Variants in NPFF observed in about 807,000 individuals in gnomAD.
NPFF encodes the protein neuropeptide FF-amide peptide precursor.
In NPFF, 14 loss-of-function variants were observed where a neutral mutation model predicts 12.9. The ratio of observed to expected loss-of-function variants is 1.09; its 90% CI spans 0.72 to 1.70. The LOEUF (loss-of-function observed/expected upper bound fraction) is 1.70, where lower values mean the gene tolerates loss of function less well. Among genes scored for constraint, NPFF ranks in the 40% most tolerant of loss-of-function variants. The pLI is 0.00. For missense variants in NPFF, 140 were observed against 135.7 expected, an observed-to-expected ratio of 1.03 and a Z score of -0.16; for synonymous variants, 56 against 57.3, an observed-to-expected ratio of 0.98 and a Z score of 0.10.
intron 2 of NPFF, 55 bp from the exon 3 acceptor site, chr12:53,506,948 C>T (rs1944017962): frequency 6.3e-7 from 1 of 1,585,064 alleles, no homozygotes; most frequent in African/African-American, 1.3e-5. Context: ...AGCCCCCTTC[C>T]TTCTCCTCTT....
rs757726554 is a variant in NPFF at position 53,507,168 on chromosome 12, G to A, written c.103-26C>T. 8.1e-6 allele frequency: 13 copies of A among 1,611,388 alleles called. No individual in the cohort carries two copies. In the Admixed American group the frequency reaches 2.0e-4, roughly 25 times the overall value. ...CTGTGCCAAGGGGGTATCAGGGAAG[G>A]AAGATGGGCAAATACCCTGGACACG... On this transcript the variant is annotated intron_variant, in intron 1 of 2. Transcript: ENST00000267017.
chr12:53,507,274 A>G (rs754062316), intron 1 of NPFF, 99 bp downstream of exon 1: 5 of 1,594,802 alleles, frequency 3.1e-6, no homozygotes, highest in Non-Finnish European at 4.3e-6. Flanking sequence ...GTGAGGACCT[A>G]ATGACAACCT....
chr12:53,506,838 C>T lies in NPFF; in HGVS notation c.280G>A (p.Gly94Arg), dbSNP rs749613052. The T allele has an allele frequency of 1.9e-6, 3 of 1,603,296 alleles. No homozygotes were observed. The East Asian group carries it at 6.7e-5, about 36-fold the overall frequency. ...WRNEWLSPRA[G>R]EGLNSQFWSL... ...CAGAACTGGGAATTCAGCCCCTCTC[C>T]AGCCCGGGGACTCAGCCATTCATTC... Residue 94 changes from glycine (G) to arginine (R), a missense_variant, in exon 3 of 3, where the codon GGA (glycine) becomes AGA (arginine). Gly to Arg is a moderately radical substitution (Grantham distance 125). Transcript: ENST00000267017.
At chr12:53,507,330 G>C in intron 1 of NPFF, 43 bp downstream of exon 1, 1 of 1,612,516 alleles carries the variant, frequency 6.2e-7, no homozygotes, top group Non-Finnish European at 8.5e-7. Context: ...AGTCTCAACC[G>C]AAGTAGAGGC....
chr12:53,506,924 A>C, intron 2 of NPFF, 31 bp from the exon 3 acceptor site: 1 of 1,579,180 alleles, frequency 6.3e-7, no homozygotes, highest in South Asian at 1.2e-5. Flanking sequence ...AGGTCCCCGC[A>C]GTCTCCCTTC....
rs772113370 is a variant in NPFF, at chr12:53,506,768, A to G, written c.*8T>C. ...ACCTTGCATGCAGACATATCAAGGG[A>G]TGACATGTCACTTCTTCCCAAAGCG... On this transcript the variant is annotated 3_prime_UTR_variant, in exon 3 of 3. Transcript: ENST00000267017. The G allele has an allele frequency of 1.3e-6, 2 of 1,521,132 alleles. No homozygotes were observed. The highest frequency in any genetic ancestry group is 1.8e-6 in the Non-Finnish European group (2 of 1,128,916). The allele number at this position is 1,521,132 out of a possible 1,614,324, so 94.2% of individuals were successfully genotyped here. A position where few individuals can be genotyped will look rare whatever the true frequency, so the allele number is the denominator to read the frequency against.
In NPFF at chr12:53,507,109, C is replaced by T. The variant is rs892187981; in HGVS notation, c.136G>A (p.Ala46Thr). The T allele has an allele frequency of 2.5e-6, 4 of 1,613,950 alleles. No individual in the cohort carries two copies. In the African/African-American group the frequency reaches 4.0e-5, roughly 16 times the overall value. ...TGCAACAGTGACCCAGAGGTCTGGG[C>T]ATCCTGTGGTGGGAGGGGTTCGCTG... Reference protein sequence around the residue: ...EDSEPLPPQDAQTSGSLLHYL... With the variant: ...EDSEPLPPQDTQTSGSLLHYL... Residue 46 changes from alanine (A) to threonine (T), a missense_variant, in exon 2 of 3, where the codon GCC becomes ACC. Transcript: ENST00000267017.
intron 1 of NPFF, 80 bp from the exon 2 acceptor site, chr12:53,507,222 C>T (rs771927390): frequency 1.9e-6 from 3 of 1,586,924 alleles, no homozygotes; most frequent in Non-Finnish European, 2.6e-6. Context: ...GACTGGCTTC[C>T]AGGGGCAAGT....
rs143585624 is a variant in NPFF, at chr12:53,507,399, C to T, written c.76G>A (p.Gly26Ser). 1.2e-5 allele frequency: 19 copies of T among 1,614,062 alleles called. No individual in the cohort carries two copies. In the African/African-American group the frequency reaches 2.1e-4, roughly 18 times the overall value. The part of the protein sequence containing the change: ...IDGGCAEGPG[G>S]QQEDQLSAEE... ...GCGGAGAGCTGGTCTTCCTGCTGGC[C>T]TCCTGGCCCTTCAGCACAGCCCCCG... The change falls in exon 1 of 3, where the codon GGC (glycine) becomes AGC (serine). Residue 26 changes from glycine to serine, a missense_variant. Coordinates refer to ENST00000267017, the MANE Select transcript of NPFF (RefSeq NM_003717.4).
Sources: allele counts gnomAD v4.1 joint callset, GRCh38; gene constraint gnomAD v4.1.1; transcripts MANE v1.5; gene names NCBI Gene and HGNC (gene_info 2026-07-23, HGNC 2026-07-21).